MORF4L1: variants seen among roughly 807,000 people sequenced by gnomAD.
The protein encoded by MORF4L1 is mortality factor 4-like protein 1.
In MORF4L1, 4 loss-of-function variants were observed where a neutral mutation model predicts 52.9. The ratio of observed to expected loss-of-function variants is 0.08; its 90% CI spans 0.04 to 0.17. The LOEUF (loss-of-function observed/expected upper bound fraction) is 0.17. MORF4L1 is among the 10% of genes least tolerant of loss of function. The pLI, the probability that MORF4L1 is intolerant of heterozygous loss-of-function variation, is 1.00. For synonymous variants in MORF4L1, 123 were observed against 134.8 expected, an observed-to-expected ratio of 0.91 and a Z score of 0.61; for missense variants, 214 against 390.4, an observed-to-expected ratio of 0.55 and a Z score of 3.81.
intron 4 of MORF4L1, 152 bp from the exon 5 acceptor site, chr15:78,887,117 T>G: frequency 1.6e-6 from 1 of 644,708 alleles, no homozygotes. Flanking sequence ...TTCTTGAGTG[T>G]TTTGTTTGAT....
chr15:78,873,696 A>C (rs904089557), intron 1 of MORF4L1: 2 of 154,256 alleles, frequency 1.3e-5, no homozygotes, highest in African/African-American at 4.8e-5. Flanking sequence ...CGACGACCAG[A>C]AGGTTGCCGG....
chr15:78,882,385 A>G (rs555719286), intron 3 of MORF4L1, among the ~76,000 whole-genome samples: 82 of 152,336 alleles, frequency 5.4e-4, no homozygotes, highest in Non-Finnish European at 2.1e-4. Flanking sequence ...GGTAACTCCA[A>G]CCTCATGGAC....
intron 1 of MORF4L1, among the ~76,000 whole-genome samples, chr15:78,875,310 G>T (rs1014428002): frequency 6.6e-6 from 1 of 152,184 alleles, no homozygotes; most frequent in Non-Finnish European, 1.5e-5. Context: ...TAGCAGCAGA[G>T]ATTTCCTTGT....
Position 78,894,816 on chromosome 15 carries a change from A to G in MORF4L1, c.803-4A>G. 1 of 1,609,974 alleles carries G rather than the reference A, an allele frequency of 6.2e-7. No homozygotes were observed. The highest frequency in any genetic ancestry group is 8.5e-7 in the Non-Finnish European group (1 of 1,176,270). On this transcript the variant is annotated splice_polypyrimidine_tract_variant and splice_region_variant and intron_variant, in intron 10 of 11. Transcript: ENST00000426013. ...ACTTTGGATAAATTCTCTTGTTTAA[A>G]CAGTACGAATTGGAGCAATGTTGGC...
chr15:78,878,649 T>C (rs982849537), intron 2 of MORF4L1, among the ~76,000 whole-genome samples: 1 of 152,210 alleles, frequency 6.6e-6, no homozygotes, highest in Non-Finnish European at 1.5e-5. Flanking sequence ...TAAAAGCCAA[T>C]ATTAAAAATA....
At chr15:78,878,091 C>A in intron 1 of MORF4L1, 122 bp from the exon 2 acceptor site, 1 of 902,958 alleles carries the variant, frequency 1.1e-6, no homozygotes, top group East Asian at 2.7e-5. Flanking sequence ...CTCTGTATAC[C>A]CGTCCTCATT....
Position 78,893,598 on chromosome 15 carries a change from C to T in MORF4L1, c.600C>T (p.Tyr200=), listed in dbSNP as rs1229279335. 5 of 1,597,268 alleles carry T rather than the reference C, an allele frequency of 3.1e-6. No homozygotes were observed. Among genetic ancestry groups the T allele is most frequent in the East Asian group, 2.2e-5 (1 of 44,530 alleles). Residue 200 remains tyrosine, a synonymous_variant, in exon 9 of 12, where the codon TAC becomes TAT. Transcript: ENST00000426013. ...VDSILEDYAN[Y]KKSRGNTDNK... ...CCATTCTTGAGGATTATGCAAATTA[C>T]AAGAAATCTCGTGGAAACACAGATA... is the stretch of plus-strand genomic sequence containing the variant.
At chr15:78,890,923 A>C in intron 5 of MORF4L1, 66 bp from the exon 6 acceptor site, 1 of 1,337,278 alleles carries the variant, frequency 7.5e-7, no homozygotes, top group Non-Finnish European at 9.8e-7. Flanking sequence ...AACCCTGATA[A>C]AGGGAGTTGA....
In MORF4L1 at chr15:78,881,189, CTTTTT is replaced by C. The variant is rs570514618; in HGVS notation, c.155+625_155+629del. ...AATTTCTCACCCCTAAGAGTTAAGCCTTTTTTTTTTTTTTTTTTTGAGAGATGGAG... is the reference window on the plus strand; with the variant it reads ...AATTTCTCACCCCTAAGAGTTAAGCCTTTTTTTTTTTTTTGAGAGATGGAG... On this transcript the variant is annotated intron_variant, in intron 3 of 11. Coordinates refer to ENST00000426013, the MANE Select transcript of MORF4L1 (RefSeq NM_006791.4). 8.9e-4 allele frequency among the ~76,000 whole-genome samples: 60 copies of C among 67,180 alleles called. 1 individual carries two copies. The highest frequency in any genetic ancestry group is 3.4e-3 in the African/African-American group (57 of 16,922). The allele number at this position is 67,180 out of a possible 152,430, so 44.1% of individuals were successfully genotyped here. A position where few individuals can be genotyped will look rare whatever the true frequency, so the allele number is the denominator to read the frequency against.
chr15:78,878,665 A>G (rs1170403447), intron 2 of MORF4L1, among the ~76,000 whole-genome samples: 4 of 152,204 alleles, frequency 2.6e-5, no homozygotes, highest in Non-Finnish European at 2.9e-5. Context: ...AAATAAGTAC[A>G]TTTAACTGTT....
chr15:78,891,670 A>T, intron 7 of MORF4L1, 98 bp downstream of exon 7: 1 of 983,200 alleles, frequency 1.0e-6, no homozygotes, highest in Non-Finnish European at 1.5e-6. Context: ...AGATTTGCTT[A>T]CATGGTTAAT....
chr15:78,886,123 A>G lies in MORF4L1; in HGVS notation c.156-18A>G, dbSNP rs1406164758. 1 of 1,599,522 alleles carries G rather than the reference A, an allele frequency of 6.3e-7. No individual in the cohort carries two copies. Among genetic ancestry groups the G allele is most frequent in the Non-Finnish European group, 8.6e-7 (1 of 1,166,942 alleles). ...ACAGAGTATTTTTGAGTTAAATTTT[A>G]ACTTTCCTCTTTTTCAGTTGGGATG... On this transcript the variant is annotated intron_variant, in intron 3 of 11. Coordinates refer to ENST00000426013, the MANE Select transcript of MORF4L1 (RefSeq NM_006791.4).
At chr15:78,881,852 T>C (rs1270559634) in intron 3 of MORF4L1, among the ~76,000 whole-genome samples, 1 of 152,202 alleles carries the variant, frequency 6.6e-6, no homozygotes, top group African/African-American at 2.4e-5. Flanking sequence ...TTTTACCTGG[T>C]TTACTATGGG....
intron 1 of MORF4L1, among the ~76,000 whole-genome samples, chr15:78,875,422 A>C (rs1020993068): frequency 6.6e-6 from 1 of 152,174 alleles, no homozygotes; most frequent in East Asian, 1.9e-4. Context: ...ATTACTTTCC[A>C]GGTGTGTTTT....
At chr15:78,881,284 C>T (rs527729806) in intron 3 of MORF4L1, among the ~76,000 whole-genome samples, 191 of 148,566 alleles carry the variant, frequency 1.3e-3, no homozygotes, top group Admixed American at 4.3e-3. Context: ...CAACCTCCGC[C>T]TCAGGGGTTC....
intron 4 of MORF4L1, 98 bp from the exon 5 acceptor site, chr15:78,887,171 C>T: frequency 2.0e-6 from 2 of 1,023,942 alleles, no homozygotes; most frequent in Non-Finnish European, 2.9e-6. Context: ...AACTTGTTGC[C>T]AGAATTTGAA....
Position 78,872,942 on chromosome 15 carries a change from G to C in MORF4L1, c.-76G>C. The C allele has an allele frequency of 6.6e-7, 1 of 1,518,588 alleles. No individual in the cohort carries two copies. The highest frequency in any genetic ancestry group is 8.8e-7 in the Non-Finnish European group (1 of 1,134,628). The allele number at this position is 1,518,588 out of a possible 1,614,324, so 94.1% of individuals were successfully genotyped here. A position where few individuals can be genotyped will look rare whatever the true frequency, so the allele number is the denominator to read the frequency against. On this transcript the variant is annotated 5_prime_UTR_variant, in exon 1 of 12. Transcript: ENST00000426013. ...AGTGCCTGACGGCGCGTCTGACGCG[G>C]AGTTGGGTGGGGTAGAGAGTAGGGG... is the stretch of plus-strand genomic sequence containing the variant.
intron 3 of MORF4L1, among the ~76,000 whole-genome samples, chr15:78,880,806 T>C (rs1345787589): frequency 6.6e-6 from 1 of 151,948 alleles, no homozygotes; most frequent in African/African-American, 2.4e-5. Context: ...TGTTCTAGTG[T>C]AATATCTATT....
At chr15:78,877,113 ATTTTTTTTTTTTTT>A (rs60811430) in intron 1 of MORF4L1, among the ~76,000 whole-genome samples, 2 of 60,966 alleles carry the variant, frequency 3.3e-5, no homozygotes, top group South Asian at 7.0e-4. Flanking sequence ...CGCCCGGCTG[ATTTTTTTTTTTTTT>A]TTTTTTTTTT....
Sources: allele counts gnomAD v4.1 joint callset (sites outside exome capture counted in the v4.1 genomes callset), GRCh38; gene constraint gnomAD v4.1.1; transcripts MANE v1.5; gene names NCBI Gene and HGNC (gene_info 2026-07-23, HGNC 2026-07-21).